The following PACRG variants were observed in gnomAD, a reference collection of about 807,000 sequenced individuals.
PACRG encodes parkin coregulated.
In PACRG, 29 loss-of-function variants were observed where a neutral mutation model predicts 29.7. The observed-to-expected ratio is 0.98, with a 90% CI of 0.73 to 1.33. PACRG has a LOEUF of 1.33. PACRG is among the 40% of genes most tolerant of loss of function. The pLI is 0.00. For missense variants in PACRG, 279 were observed against 316.2 expected, an observed-to-expected ratio of 0.88 and a Z score of 0.89; for synonymous variants, 116 against 118.7, an observed-to-expected ratio of 0.98 and a Z score of 0.15.
chr6:163,060,569 C>T (rs547468132), intron 2 of PACRG, among the ~76,000 whole-genome samples: 224 of 152,254 alleles, frequency 1.5e-3, no homozygotes, highest in Non-Finnish European at 2.8e-3. Context: ...TTTCTATGCT[C>T]CAGTTCCAAC....
chr6:163,307,658 C>A (rs1236045090), intron 4 of PACRG, among the ~76,000 whole-genome samples: 5 of 152,112 alleles, frequency 3.3e-5, no homozygotes, highest in Non-Finnish European at 5.9e-5. Flanking sequence ...CACAGAAACA[C>A]CCAGGATTCC....
rs149612926 is a variant in PACRG, at chr6:162,797,406, A to G, written c.157-16741A>G. 2.3e-3 allele frequency among the ~76,000 whole-genome samples: 349 copies of G among 152,318 alleles called. 1 individual carries two copies. The highest frequency in any genetic ancestry group is 3.5e-3 in the Non-Finnish European group (238 of 68,018). On this transcript the variant is annotated intron_variant, in intron 1 of 4. Coordinates refer to ENST00000366888, the MANE Select transcript of PACRG (RefSeq NM_001080379.2). ...TTATGAATCTTGCAGGTGCTTATCT[A>G]TTGTCTTCTGGGATGAGACATTGAA... is the stretch of plus-strand genomic sequence containing the variant.
At chr6:162,879,950 G>C (rs1793694867) in intron 2 of PACRG, among the ~76,000 whole-genome samples, 1 of 152,220 alleles carries the variant, frequency 6.6e-6, no homozygotes, top group South Asian at 2.1e-4. Flanking sequence ...ATATTTTTTA[G>C]GTACTTAGCA....
intron 1 of PACRG, among the ~76,000 whole-genome samples, chr6:162,807,650 G>A (rs2128349982): frequency 6.6e-6 from 1 of 152,218 alleles, no homozygotes; most frequent in East Asian, 1.9e-4. Flanking sequence ...TAGTAACATT[G>A]AAGATTACTG....
At chr6:163,152,779 GAA>G (rs1778151540) in intron 4 of PACRG, among the ~76,000 whole-genome samples, 1 of 152,192 alleles carries the variant, frequency 6.6e-6, no homozygotes, top group Non-Finnish European at 1.5e-5. Flanking sequence ...AAGTGATTTT[GAA>G]AAATCTTCGT....
chr6:163,009,479 T>C (rs1193808317), intron 2 of PACRG, among the ~76,000 whole-genome samples: 1 of 152,230 alleles, frequency 6.6e-6, no homozygotes, highest in African/African-American at 2.4e-5. Flanking sequence ...TTCATTACAC[T>C]TAATGATTTC....
chr6:162,954,980 CA>C (rs1250400736), intron 2 of PACRG, among the ~76,000 whole-genome samples: 4 of 152,254 alleles, frequency 2.6e-5, no homozygotes, highest in African/African-American at 9.6e-5. Context: ...AGTTGCAGAC[CA>C]ACAGCATCTG....
chr6:163,282,483 G>C (rs1784254775), intron 4 of PACRG, among the ~76,000 whole-genome samples: 1 of 152,186 alleles, frequency 6.6e-6, no homozygotes. Flanking sequence ...GGACGAGGCA[G>C]GTGGATCACC....
At chr6:163,224,132 G>A (rs1462447847) in intron 4 of PACRG, among the ~76,000 whole-genome samples, 18 of 151,952 alleles carry the variant, frequency 1.2e-4, no homozygotes, top group Admixed American at 1.2e-3. Flanking sequence ...ACTTTAGGAG[G>A]CCAAGGTGGG....
chr6:163,271,693 G>C (rs919443112), intron 4 of PACRG, among the ~76,000 whole-genome samples: 5 of 152,102 alleles, frequency 3.3e-5, no homozygotes, highest in Non-Finnish European at 5.9e-5. Flanking sequence ...TTAATGTCTG[G>C]TAGTTCTTAT....
intron 2 of PACRG, among the ~76,000 whole-genome samples, chr6:162,857,433 C>T (rs960754670): frequency 6.6e-6 from 1 of 152,210 alleles, no homozygotes; most frequent in Admixed American, 6.5e-5. Flanking sequence ...ACAAAATTCC[C>T]TAGAGAAACT....
At chr6:163,082,052 G>A (rs1813134795) in intron 3 of PACRG, among the ~76,000 whole-genome samples, 1 of 152,092 alleles carries the variant, frequency 6.6e-6, no homozygotes, top group Non-Finnish European at 1.5e-5. Context: ...AATTAAATAA[G>A]TTAGCCCGTT....
chr6:162,834,166 A>G (rs936315220), intron 2 of PACRG, among the ~76,000 whole-genome samples: 3 of 152,128 alleles, frequency 2.0e-5, no homozygotes, highest in Non-Finnish European at 4.4e-5. Flanking sequence ...ATGGCCTCCA[A>G]ATGTTAAAAA....
chr6:163,229,126 G>A (rs575405770), intron 4 of PACRG, among the ~76,000 whole-genome samples: 96 of 152,308 alleles, frequency 6.3e-4, no homozygotes, highest in African/African-American at 2.2e-3. Context: ...CTGGGAGGCT[G>A]AGGCAAGAGG....
chr6:163,055,806 C>G lies in PACRG; in HGVS notation c.292-6344C>G. 6.6e-6 allele frequency among the ~76,000 whole-genome samples: 1 copy of G among 152,048 alleles called. No homozygotes were observed. Among genetic ancestry groups the G allele is most frequent in the East Asian group, 1.9e-4 (1 of 5,184 alleles). Reference sequence around the variant, plus strand: ...TCTAGTTCCAGAACTTTTTCATCACCCCACATGGAAACCCCATGCCCAATA... The same window carrying G: ...TCTAGTTCCAGAACTTTTTCATCACGCCACATGGAAACCCCATGCCCAATA... On this transcript the variant is annotated intron_variant, in intron 2 of 4. Transcript: ENST00000366888. This position sits in a 1 kb window ranked among gnomAD's most constrained non-coding sequence, Gnocchi z 4.0.
chr6:162,788,134 G>A (rs986134149), intron 1 of PACRG, among the ~76,000 whole-genome samples: 31 of 151,586 alleles, frequency 2.0e-4, no homozygotes, highest in Non-Finnish European at 3.2e-4. Context: ...AGAGTTTTTT[G>A]AGTGCCATAA....
chr6:162,965,960 G>T lies in PACRG; in HGVS notation c.292-96190G>T, dbSNP rs1207240642. Among the ~76,000 whole-genome samples, 4 of 152,326 alleles carry T rather than the reference G, an allele frequency of 2.6e-5. No homozygotes were observed. The East Asian group carries it at 5.8e-4, about 22-fold the overall frequency. On this transcript the variant is annotated intron_variant, in intron 2 of 4. Transcript: ENST00000366888. ...GAGACGAAATGCATCCAAGTCAACTGAGAGGAATATCGTGCAGCTCCGATA... is the reference window on the plus strand; with the variant it reads ...GAGACGAAATGCATCCAAGTCAACTTAGAGGAATATCGTGCAGCTCCGATA...
chr6:163,102,623 A>G (rs1815161283), intron 4 of PACRG, among the ~76,000 whole-genome samples: 1 of 152,212 alleles, frequency 6.6e-6, no homozygotes, highest in South Asian at 2.1e-4. Context: ...AATCTTTGCT[A>G]AGGACCACGT....
chr6:163,024,690 C>T (rs1272213309), intron 2 of PACRG, among the ~76,000 whole-genome samples: 1 of 151,348 alleles, frequency 6.6e-6, no homozygotes, highest in Non-Finnish European at 1.5e-5. Flanking sequence ...ATATTGATTC[C>T]TCCAATCCAT....
Sources: gnomAD v4.1 joint callset for allele counts (sites outside exome capture counted in the v4.1 genomes callset) on GRCh38, gnomAD v4.1.1 for gene constraint, Gnocchi (gnomAD v3.1) non-coding constraint, MANE v1.5 for transcripts, NCBI Gene and HGNC (gene_info 2026-07-23, HGNC 2026-07-21) for gene names.